Variants in COL24A1 observed in about 807,000 individuals in gnomAD.
COL24A1 encodes the protein collagen type XXIV alpha 1 chain.
In COL24A1, 224 loss-of-function variants were observed where a neutral mutation model predicts 253.9. That is an observed-to-expected ratio of 0.88 (90% confidence interval 0.79 to 0.99). COL24A1 has a LOEUF of 0.99. COL24A1 is among the 50% of genes least tolerant of loss of function. COL24A1 has a pLI of 0.00. For synonymous variants in COL24A1, 685 were observed against 673.7 expected (o/e 1.02, Z -0.26); for missense variants, 2,131 against 2,068.5 (o/e 1.03, Z -0.59).
chr1:86,145,352 A>G (rs911490366), intron 2 of COL24A1, among the ~76,000 whole-genome samples: 15 of 152,126 alleles, frequency 9.9e-5, no homozygotes, highest in Admixed American at 9.8e-4. Flanking sequence ...GCAGAGGAGA[A>G]AAACAAACAA....
intron 19 of COL24A1, among the ~76,000 whole-genome samples, chr1:85,998,457 C>T (rs1010508005): frequency 4.6e-5 from 7 of 152,196 alleles, no homozygotes; most frequent in Non-Finnish European, 7.3e-5. Context: ...TCATACTATA[C>T]TGTAATTAAG....
chr1:86,075,166 G>A (rs923295819), intron 7 of COL24A1, among the ~76,000 whole-genome samples: 27 of 152,060 alleles, frequency 1.8e-4, no homozygotes, highest in Middle Eastern at 3.2e-3. Flanking sequence ...AAGAAGAAAA[G>A]AGAGAAGAAT....
At chr1:85,747,649 T>C (rs1665393781) in intron 55 of COL24A1, among the ~76,000 whole-genome samples, 1 of 152,196 alleles carries the variant, frequency 6.6e-6, no homozygotes, top group African/African-American at 2.4e-5. Context: ...TTTGTTTTTG[T>C]ATTCAATTAG....
intron 19 of COL24A1, among the ~76,000 whole-genome samples, chr1:86,007,855 G>A (rs911547908): frequency 2.0e-5 from 3 of 152,114 alleles, no homozygotes; most frequent in Admixed American, 2.0e-4. Flanking sequence ...TTTTAGGGCA[G>A]TAAAAATACT....
At chr1:86,104,018 C>G (rs141057651) in intron 5 of COL24A1, among the ~76,000 whole-genome samples, 1 of 152,268 alleles carries the variant, frequency 6.6e-6, no homozygotes, top group African/African-American at 2.4e-5. Flanking sequence ...TTCAGCAATA[C>G]CAATGAGTCA....
At chr1:86,066,231 C>CA (rs1701468434) in intron 7 of COL24A1, among the ~76,000 whole-genome samples, 5 of 85,516 alleles carry the variant, frequency 5.8e-5, no homozygotes, top group South Asian at 8.4e-4. Flanking sequence ...CCTAAGTCTC[C>CA]TTTTTTTTTT....
intron 2 of COL24A1, among the ~76,000 whole-genome samples, chr1:86,142,650 C>T (rs1018711203): frequency 2.7e-5 from 4 of 150,424 alleles, no homozygotes; most frequent in East Asian, 2.0e-4. Context: ...AAAACAAAGA[C>T]GGAAAATAGG....
At chr1:85,829,435 C>T (rs963544428) in intron 43 of COL24A1, among the ~76,000 whole-genome samples, 6 of 151,338 alleles carry the variant, frequency 4.0e-5, no homozygotes, top group Admixed American at 1.3e-4. Flanking sequence ...ATCTTTGTGG[C>T]GTTCTCTGTA....
intron 45 of COL24A1, among the ~76,000 whole-genome samples, chr1:85,823,265 T>C (rs1673852655): frequency 1.3e-5 from 2 of 152,170 alleles, no homozygotes; most frequent in Admixed American, 6.6e-5. Context: ...AAGAACATAC[T>C]ATTAATTTGA....
At position 85,730,351 on chromosome 1, in the gene COL24A1, A is replaced by G; in HGVS notation, c.*195T>C. The G allele has an allele frequency of 2.2e-6, 1 of 455,654 alleles. No individual in the cohort carries two copies. Among genetic ancestry groups the G allele is most frequent in the Non-Finnish European group, 3.8e-6 (1 of 262,754 alleles). 28.2% of individuals were successfully genotyped at this position (455,654 alleles called of 1,614,324 possible). A position where few individuals can be genotyped will look rare whatever the true frequency, so the allele number is the denominator to read the frequency against. On this transcript the variant is annotated 3_prime_UTR_variant, in exon 60 of 60. Transcript: ENST00000370571. ...TGAATATAATTTTTAAAAGAATTAA[A>G]TACTTTATCAATCATAGTCCTTTAA...
chr1:85,909,148 CG>C (rs1685130872), intron 26 of COL24A1, among the ~76,000 whole-genome samples: 3 of 151,578 alleles, frequency 2.0e-5, no homozygotes, highest in African/African-American at 7.3e-5. Flanking sequence ...TCAAAAAATG[CG>C]TTAGGAGGTA....
At chr1:85,817,180 T>C (rs1673124604) in intron 46 of COL24A1, among the ~76,000 whole-genome samples, 1 of 152,216 alleles carries the variant, frequency 6.6e-6, no homozygotes, top group Non-Finnish European at 1.5e-5. Context: ...TCTTATTGTG[T>C]CAACCAATAT....
rs552823862 is a variant in COL24A1 at position 86,142,589 on chromosome 1, C to T, written c.121+3530G>A. Among the ~76,000 whole-genome samples, 25 of 145,778 alleles carry T rather than the reference C, an allele frequency of 1.7e-4. 1 individual carries two copies. Among genetic ancestry groups the T allele is most frequent in the African/African-American group, 6.2e-4 (25 of 40,270 alleles). Reference sequence around the variant, plus strand: ...AACACAGAAGAAATAAGAAATTAAACAAAATGTTTGGAATAGTAAGTGATG... The same window carrying T: ...AACACAGAAGAAATAAGAAATTAAATAAAATGTTTGGAATAGTAAGTGATG... On this transcript the variant is annotated intron_variant, in intron 2 of 59. Transcript: ENST00000370571.
intron 24 of COL24A1, among the ~76,000 whole-genome samples, chr1:85,918,647 T>C (rs773325641): frequency 1.3e-5 from 2 of 152,286 alleles, no homozygotes; most frequent in Middle Eastern, 3.4e-3. Flanking sequence ...TTGGAAATAA[T>C]AGATGAATTA....
chr1:85,861,509 CTT>C (rs1439086459), intron 37 of COL24A1, among the ~76,000 whole-genome samples: 7 of 152,116 alleles, frequency 4.6e-5, no homozygotes, highest in African/African-American at 7.2e-5. Flanking sequence ...TCTTCTAAGA[CTT>C]TTACAGTTTT....
chr1:85,924,542 T>G (rs937397251), intron 24 of COL24A1, among the ~76,000 whole-genome samples: 1 of 152,024 alleles, frequency 6.6e-6, no homozygotes, highest in Non-Finnish European at 1.5e-5. Context: ...ACATAATCCA[T>G]CACATAAACA....
At chr1:85,841,922 TTA>T in intron 41 of COL24A1, 144 bp downstream of exon 41, 1 of 622,696 alleles carries the variant, frequency 1.6e-6, no homozygotes, top group East Asian at 2.7e-5. Context: ...TCCTTGATAT[TTA>T]TTTTTTTCTT....
At chr1:85,904,277 T>C (rs1053172877) in intron 28 of COL24A1, among the ~76,000 whole-genome samples, 1 of 152,088 alleles carries the variant, frequency 6.6e-6, no homozygotes, top group Non-Finnish European at 1.5e-5. Flanking sequence ...TCCTTGCCAA[T>C]TCATAATCAA....
chr1:85,978,099 C>T (rs1363834354), intron 20 of COL24A1, among the ~76,000 whole-genome samples: 1 of 152,086 alleles, frequency 6.6e-6, no homozygotes, highest in Non-Finnish European at 1.5e-5. Context: ...AAAATAATTA[C>T]CAATCAAGAA....
Sources: gnomAD v4.1 joint callset for allele counts (sites outside exome capture counted in the v4.1 genomes callset) on GRCh38, gnomAD v4.1.1 for gene constraint, MANE v1.5 for transcripts, NCBI Gene and HGNC (gene_info 2026-07-23, HGNC 2026-07-21) for gene names.